MAP3K8: variants seen among roughly 807,000 people sequenced by gnomAD.
MAP3K8 encodes the protein Ewing sarcoma transformant.
A neutral mutation model predicts 45.8 loss-of-function variants in MAP3K8; 22 were observed. The ratio of observed to expected loss-of-function variants is 0.48; its 90% CI spans 0.34 to 0.69. MAP3K8 has a LOEUF of 0.69. Among genes scored for constraint, MAP3K8 ranks in the 30% least tolerant of loss-of-function variants. MAP3K8 has a pLI of 0.01. For missense variants in MAP3K8, 419 were observed against 585.0 expected (o/e 0.72, Z 2.93); for synonymous variants, 223 against 214.3 (o/e 1.04, Z -0.36).
intron 3 of MAP3K8, among the ~76,000 whole-genome samples, chr10:30,440,997 C>A (rs1162046052): frequency 6.6e-6 from 1 of 152,070 alleles, no homozygotes; most frequent in African/African-American, 2.4e-5. Flanking sequence ...ATTCTGAAGT[C>A]TTTTAGGAAT....
Position 30,458,225 on chromosome 10 carries a change from T to C in MAP3K8, c.1015T>C (p.Tyr339His). 2.3e-6 allele frequency: 3 copies of C among 1,279,854 alleles called. No individual in the cohort carries two copies. Among genetic ancestry groups the C allele is most frequent in the Admixed American group, 2.3e-5 (1 of 43,232 alleles). 79.3% of individuals were successfully genotyped at this position (1,279,854 alleles called of 1,614,324 possible). Residue 339 changes from tyrosine to histidine, a missense_variant, in exon 7 of 9, where the codon TAC (tyrosine) becomes CAC (histidine). This residue lies in a region of MAP3K8 where 209 missense variants were observed against 367.3 expected (regional missense o/e 0.57). Coordinates refer to ENST00000263056, the MANE Select transcript of MAP3K8 (RefSeq NM_005204.4). ...CTACCCTCGCTCAGCCTATCCCTCC[T>C]ACCTGTACATAGTAAGTGGGGTTCA... Reference protein sequence around the residue: ...KRYPRSAYPSYLYIIHKQAPP... With the variant: ...KRYPRSAYPSHLYIIHKQAPP...
intron 6 of MAP3K8, among the ~76,000 whole-genome samples, chr10:30,455,901 G>A (rs577142046): frequency 1.3e-5 from 2 of 152,344 alleles, no homozygotes; most frequent in East Asian, 3.9e-4. Flanking sequence ...CTAACTGGTA[G>A]TTGGTAGAGC....
intron 1 of MAP3K8, among the ~76,000 whole-genome samples, chr10:30,434,907 A>T (rs1009954127): frequency 6.6e-6 from 1 of 152,266 alleles, no homozygotes; most frequent in Non-Finnish European, 1.5e-5. Flanking sequence ...GCTGGAACTA[A>T]ATTCAAGTTT....
chr10:30,435,334 T>C (rs1835877697), intron 1 of MAP3K8, among the ~76,000 whole-genome samples: 1 of 152,128 alleles, frequency 6.6e-6, no homozygotes, highest in Admixed American at 6.6e-5. Context: ...GATTGAGGTT[T>C]GTGTGCAGGA....
At chr10:30,440,483 A>G (rs1190496541) in intron 3 of MAP3K8, among the ~76,000 whole-genome samples, 2 of 152,146 alleles carry the variant, frequency 1.3e-5, no homozygotes, top group Non-Finnish European at 2.9e-5. Flanking sequence ...TATGTAGTGA[A>G]TTGTTTTGTC....
chr10:30,443,041 T>A (rs1274658433), intron 3 of MAP3K8, among the ~76,000 whole-genome samples: 1 of 152,134 alleles, frequency 6.6e-6, no homozygotes, highest in Admixed American at 6.5e-5. Flanking sequence ...AAAGTTCTCT[T>A]CCTTATATAG....
chr10:30,453,438 A>T (rs1362788494), intron 6 of MAP3K8, among the ~76,000 whole-genome samples: 2 of 152,158 alleles, frequency 1.3e-5, no homozygotes, highest in Admixed American at 6.6e-5. Flanking sequence ...CTCATGTTTA[A>T]CTCATCTGTG....
At chr10:30,436,927 T>G (rs2132775451) in intron 1 of MAP3K8, among the ~76,000 whole-genome samples, 1 of 151,768 alleles carries the variant, frequency 6.6e-6, no homozygotes, top group Non-Finnish European at 1.5e-5. Flanking sequence ...TCCAGTAAAT[T>G]CGACAAGCAG....
At chr10:30,447,111 A>G (rs1443980718) in intron 3 of MAP3K8, among the ~76,000 whole-genome samples, 2 of 152,190 alleles carry the variant, frequency 1.3e-5, no homozygotes, top group Non-Finnish European at 2.9e-5. Context: ...TGGCTTGCTC[A>G]TGAACCCTGG....
intron 1 of MAP3K8, among the ~76,000 whole-genome samples, chr10:30,434,967 G>A (rs1389858112): frequency 6.6e-6 from 1 of 152,230 alleles, no homozygotes; most frequent in Non-Finnish European, 1.5e-5. Context: ...AGAACACGAA[G>A]GCTGGGCTTT....
At chr10:30,460,446 G>A (rs377724850) in intron 8 of MAP3K8, among the ~76,000 whole-genome samples, 51 of 152,218 alleles carry the variant, frequency 3.4e-4, no homozygotes, top group African/African-American at 1.2e-3. Flanking sequence ...TCTAACTTTT[G>A]TGTATTTAAA....
chr10:30,445,502 A>T (rs1249840341), intron 3 of MAP3K8, among the ~76,000 whole-genome samples: 4 of 152,264 alleles, frequency 2.6e-5, no homozygotes, highest in Non-Finnish European at 4.4e-5. Flanking sequence ...AAACACAGAG[A>T]TGGTTCACTG....
chr10:30,448,450 T>A (rs1034009778), intron 4 of MAP3K8, among the ~76,000 whole-genome samples: 6 of 83,302 alleles, frequency 7.2e-5, no homozygotes, highest in African/African-American at 2.8e-4. Flanking sequence ...TATTATTATT[T>A]GAAACAGAGT....
At chr10:30,455,650 T>C (rs1442850127) in intron 6 of MAP3K8, among the ~76,000 whole-genome samples, 1 of 152,224 alleles carries the variant, frequency 6.6e-6, no homozygotes, top group Non-Finnish European at 1.5e-5. Context: ...GGTTTTACCT[T>C]TGTAAGTTAA....
chr10:30,439,531 C>A, intron 3 of MAP3K8: 1 of 824,192 alleles, frequency 1.2e-6, no homozygotes, highest in Non-Finnish European at 1.8e-6. Flanking sequence ...GTATTTTGGC[C>A]GGGTGCAGGG....
Position 30,439,038 on chromosome 10 carries a change from T to C in MAP3K8, c.100T>C (p.Tyr34His). Residue 34 changes from tyrosine (Y) to histidine (H), a missense_variant, in exon 3 of 9, where the codon TAT becomes CAT. Coordinates refer to ENST00000263056, the MANE Select transcript of MAP3K8 (RefSeq NM_005204.4). The part of the protein sequence containing the change: ...SDVIDIMENL[Y>H]ASEEPAVYEP... ...TGTAATAGACATTATGGAAAATCTTTATGCAAGTGAAGAGCCAGCAGTTTA... is the reference window on the plus strand; with the variant it reads ...TGTAATAGACATTATGGAAAATCTTCATGCAAGTGAAGAGCCAGCAGTTTA... 1.9e-6 allele frequency: 3 copies of C among 1,614,012 alleles called. No homozygotes were observed. The highest frequency in any genetic ancestry group is 2.5e-6 in the Non-Finnish European group (3 of 1,179,836).
Position 30,460,707 on chromosome 10 carries a change from T to G in MAP3K8, c.1275T>G (p.Asp425Glu). 3 of 1,602,406 alleles carry G rather than the reference T, an allele frequency of 1.9e-6. No individual in the cohort carries two copies. The highest frequency in any genetic ancestry group is 8.5e-7 in the Non-Finnish European group (1 of 1,173,818). The change falls in exon 9 of 9, where the codon GAT (aspartate) becomes GAG (glutamate). Residue 425 changes from aspartate to glutamate, a missense_variant and splice_region_variant. Physicochemically the swap from Asp to Glu is conservative, Grantham distance 45 (BLOSUM62 2). This residue lies in a region of MAP3K8 where 108 missense variants were observed against 124.2 expected (regional missense o/e 0.87). Transcript: ENST00000263056. ...KELELPENIA[D>E]SSCTGSTEES... ...ACTTTGTAATGTTTTCCTTTTCAGATTCTTCGTGCACAGGAAGCACCGAGG... is the reference window on the plus strand; with the variant it reads ...ACTTTGTAATGTTTTCCTTTTCAGAGTCTTCGTGCACAGGAAGCACCGAGG...
At position 30,460,870 on chromosome 10, in the gene MAP3K8, T is replaced by C. The variant is rs781213169; in HGVS notation, c.*34T>C. The C allele has an allele frequency of 6.0e-5, 96 of 1,610,414 alleles. No homozygotes were observed. Among genetic ancestry groups the C allele is most frequent in the Non-Finnish European group, 7.4e-5 (87 of 1,179,500 alleles). On this transcript the variant is annotated 3_prime_UTR_variant, in exon 9 of 9. Coordinates refer to ENST00000263056, the MANE Select transcript of MAP3K8 (RefSeq NM_005204.4). ...ATGTTTGCTCTAAATTAAGACAGCA[T>C]TGATCTCCTGGAGGCTGGTTCTGCT...
chr10:30,458,259 TGGG>T, intron 7 of MAP3K8, 23 bp downstream of exon 7: 1 of 448,290 alleles, frequency 2.2e-6, no homozygotes, highest in Non-Finnish European at 3.4e-6. Flanking sequence ...CAACCAGGGC[TGGG>T]GGCGGCGGGG....
Sources: allele counts gnomAD v4.1 joint callset (sites outside exome capture counted in the v4.1 genomes callset), GRCh38; gene constraint gnomAD v4.1.1; regional missense constraint gnomAD v4.1.1; transcripts MANE v1.5; gene names NCBI Gene and HGNC (gene_info 2026-07-23, HGNC 2026-07-21).